DNA2: variants seen among roughly 807,000 people sequenced by gnomAD.
DNA2 encodes DNA replication ATP-dependent helicase/nuclease DNA2.
DNA2 carries 101 observed loss-of-function variants against 119.1 expected under a neutral mutation model. The ratio of observed to expected loss-of-function variants is 0.85; its 90% CI spans 0.72 to 1.00. The LOEUF is 1.00. Ranked by LOEUF, DNA2 falls within the 50% of genes least tolerant of loss-of-function variation. The probability of loss-of-function intolerance (pLI) is 0.00; values close to 1 mark genes in which losing one functional copy is unlikely to be tolerated. For missense variants in DNA2, 1,121 were observed against 1,255.5 expected (o/e 0.89, Z 1.62); for synonymous variants, 366 against 424.4 (o/e 0.86, Z 1.69).
At chr10:68,463,293 A>C (rs1590075041) in intron 4 of DNA2, among the ~76,000 whole-genome samples, 1 of 151,868 alleles carries the variant, frequency 6.6e-6, no homozygotes. Context: ...AAATACAAAA[A>C]TTCAGCCGGG....
rs907075566 is a variant in DNA2 at position 68,415,180 on chromosome 10, T to C, written c.3115-73A>G. On this transcript the variant is annotated intron_variant, in intron 20 of 20. Coordinates refer to ENST00000358410, the MANE Select transcript of DNA2 (RefSeq NM_001080449.3). ...AAATTTATGACATTATTATTTAACA[T>C]TTTGTAATTTGACTTACAGGACCAC... 4.1e-6 allele frequency: 4 copies of C among 967,270 alleles called. No homozygotes were observed. The East Asian group carries it at 1.1e-4, about 26-fold the overall frequency. 59.9% of individuals were successfully genotyped at this position (967,270 alleles called of 1,614,324 possible).
chr10:68,455,181 G>A (rs1481135840), intron 5 of DNA2, among the ~76,000 whole-genome samples: 1 of 151,774 alleles, frequency 6.6e-6, no homozygotes. Context: ...CTCATGATCT[G>A]CCCACCTCAG....
chr10:68,453,411 G>A (rs7897986), intron 5 of DNA2, among the ~76,000 whole-genome samples: 20,905 of 151,694 alleles, frequency 0.14, 2,058 homozygotes, highest in African/African-American at 0.27. Context: ...GTACAGTTGC[G>A]GAACATCGTT....
At chr10:68,445,208 T>C in intron 7 of DNA2, 125 bp from the exon 8 acceptor site, 1 of 880,552 alleles carries the variant, frequency 1.1e-6, no homozygotes, top group Non-Finnish European at 1.7e-6. Context: ...CTTACGCCTG[T>C]AATCCCAACA....
intron 9 of DNA2, among the ~76,000 whole-genome samples, chr10:68,442,380 G>A (rs565386027): frequency 1.0e-3 from 150 of 150,738 alleles, no homozygotes; most frequent in Middle Eastern, 3.5e-3. Context: ...CACCACGCCC[G>A]GCTAATTTTT....
At chr10:68,419,333 T>A in intron 18 of DNA2, 120 bp from the exon 19 acceptor site, 1 of 735,164 alleles carries the variant, frequency 1.4e-6, no homozygotes, top group Non-Finnish European at 2.1e-6. Context: ...AACTTTCCTA[T>A]CTCAAAGACT....
rs771783178 is a variant in DNA2, at chr10:68,445,084, C to T, written c.1058-1G>A. The T allele has an allele frequency of 6.3e-7, 1 of 1,577,852 alleles. No homozygotes were observed. Among genetic ancestry groups the T allele is most frequent in the Non-Finnish European group, 8.6e-7 (1 of 1,163,100 alleles). ...ATCTGGTTTCTTAGCTTTAATAATTCTATGAAAAAAAAGGTGAATGTCTTT... is the reference window on the plus strand; with the variant it reads ...ATCTGGTTTCTTAGCTTTAATAATTTTATGAAAAAAAAGGTGAATGTCTTT... On this transcript the variant is annotated splice_acceptor_variant, in intron 7 of 20. Coordinates refer to ENST00000358410, the MANE Select transcript of DNA2 (RefSeq NM_001080449.3). LOFTEE classifies it high-confidence loss of function.
At chr10:68,450,378 A>G in intron 5 of DNA2, 131 bp from the exon 6 acceptor site, 1 of 718,972 alleles carries the variant, frequency 1.4e-6, no homozygotes. Flanking sequence ...TACAGCAGTG[A>G]TTTTCAAACT....
intron 17 of DNA2, among the ~76,000 whole-genome samples, chr10:68,421,685 G>T (rs1291161932): frequency 6.6e-6 from 1 of 152,028 alleles, no homozygotes; most frequent in Non-Finnish European, 1.5e-5. Context: ...TCTGGGAGGA[G>T]GAAGTTGCAG....
At chr10:68,419,289 G>T in intron 18 of DNA2, 76 bp from the exon 19 acceptor site, 3 of 1,166,298 alleles carry the variant, frequency 2.6e-6, no homozygotes, top group Non-Finnish European at 3.4e-6. Context: ...ATAATTAAAT[G>T]TTTACATTAT....
intron 8 of DNA2, 61 bp downstream of exon 8, chr10:68,444,860 A>T: frequency 7.6e-7 from 1 of 1,321,654 alleles, no homozygotes; most frequent in Non-Finnish European, 1.1e-6. Flanking sequence ...CACCAGTGTT[A>T]AACGTATTTA....
At position 68,468,194 on chromosome 10, in the gene DNA2, G is replaced by C; in HGVS notation, c.370C>G (p.Leu124Val). The C allele has an allele frequency of 6.2e-7, 1 of 1,611,804 alleles. No homozygotes were observed. Among genetic ancestry groups the C allele is most frequent in the South Asian group, 1.1e-5 (1 of 90,330 alleles). Reference sequence around the variant, plus strand: ...CTGGCTATGCTGGTGCCAGAAATCAGCATGTCTGGATACAGAATCAAATAT... The same window carrying C: ...CTGGCTATGCTGGTGCCAGAAATCACCATGTCTGGATACAGAATCAAATAT... ...FGYLILYPDM[L>V]ISGTSIASSI... Residue 124 changes from leucine (L) to valine (V), a missense_variant, in exon 3 of 21, where the codon CTG (leucine) becomes GTG (valine). By Grantham distance (32) the Leu-to-Val change is conservative (BLOSUM62 1). Coordinates refer to ENST00000358410, the MANE Select transcript of DNA2 (RefSeq NM_001080449.3).
At chr10:68,436,418 G>GGAGGA (rs1196737810) in intron 10 of DNA2, among the ~76,000 whole-genome samples, 1 of 152,132 alleles carries the variant, frequency 6.6e-6, no homozygotes, top group Non-Finnish European at 1.5e-5. Flanking sequence ...GGGACTTCAG[G>GGAGGA]GAGGAGAGAG....
intron 10 of DNA2, among the ~76,000 whole-genome samples, chr10:68,434,535 C>A (rs995743302): frequency 1.3e-5 from 2 of 151,870 alleles, no homozygotes; most frequent in Non-Finnish European, 2.9e-5. Flanking sequence ...ACCTGTGGTC[C>A]CAGCTATGCA....
At position 68,450,608 on chromosome 10, in the gene DNA2, T is replaced by C. The variant is rs868554979; in HGVS notation, c.720-361A>G. On this transcript the variant is annotated intron_variant, in intron 5 of 20. Transcript: ENST00000358410. ...GTCTTTCTTGGTATTTATCATCTGT[T>C]CCTTTCAGTCATTCCTACTATAATC... Among the ~76,000 whole-genome samples, 11 of 152,312 alleles carry C rather than the reference T, an allele frequency of 7.2e-5. No individual in the cohort carries two copies. In the South Asian group the frequency reaches 2.3e-3, roughly 32 times the overall value.
At position 68,445,488 on chromosome 10, in the gene DNA2, A is replaced by T. The variant is rs550470073; in HGVS notation, c.1058-405T>A. Among the ~76,000 whole-genome samples, 43 of 152,108 alleles carry T rather than the reference A, an allele frequency of 2.8e-4. No individual in the cohort carries two copies. In the South Asian group the frequency reaches 8.3e-3, roughly 29 times the overall value. On this transcript the variant is annotated intron_variant, in intron 7 of 20. Coordinates refer to ENST00000358410, the MANE Select transcript of DNA2 (RefSeq NM_001080449.3). ...CAAAAAAATAAATAAATAAATAAAT[A>T]AAATAAAAATAAAAACATTTTAAAA... is the stretch of plus-strand genomic sequence containing the variant.
chr10:68,471,945 A>T lies in DNA2; in HGVS notation c.-81T>A. 1 of 1,612,870 alleles carries T rather than the reference A, an allele frequency of 6.2e-7. No homozygotes were observed. Among genetic ancestry groups the T allele is most frequent in the Non-Finnish European group, 8.5e-7 (1 of 1,179,090 alleles). On this transcript the variant is annotated 5_prime_UTR_variant, in exon 1 of 21. Transcript: ENST00000358410. ...CACAGAAAGCTTAGAAAAGGGAAAA[A>T]GGCGCGAGCCTGCGCACCTCGCGCG...
chr10:68,462,901 G>T (rs1590074755), intron 4 of DNA2, among the ~76,000 whole-genome samples: 3 of 152,026 alleles, frequency 2.0e-5, no homozygotes, highest in South Asian at 4.2e-4. Context: ...GGCCAAGGAG[G>T]GTGGATCACC....
At chr10:68,428,527 T>C (rs2051773440) in intron 14 of DNA2, among the ~76,000 whole-genome samples, 1 of 152,168 alleles carries the variant, frequency 6.6e-6, no homozygotes, top group Non-Finnish European at 1.5e-5. Flanking sequence ...AACATGATTG[T>C]TTACAGCAGC....
Sources: allele counts gnomAD v4.1 joint callset (sites outside exome capture counted in the v4.1 genomes callset), GRCh38; gene constraint gnomAD v4.1.1; transcripts MANE v1.5; gene names NCBI Gene and HGNC (gene_info 2026-07-23, HGNC 2026-07-21).